Variants in FAT3 observed in about 807,000 individuals in gnomAD.
FAT3 encodes the protein protocadherin Fat 3.
FAT3 carries 95 observed loss-of-function variants against 310.2 expected under a neutral mutation model. The observed-to-expected ratio is 0.31, with a 90% confidence interval of 0.26 to 0.36. The LOEUF is 0.36. FAT3 is among the 10% of genes least tolerant of loss of function. FAT3 has a pLI of 1.00. For missense variants in FAT3, 5,408 were observed against 5,715.6 expected (o/e 0.95, Z 1.74); for synonymous variants, 2,314 against 2,192.9 (o/e 1.06, Z -1.54).
rs760292373 is a variant in FAT3 at position 92,792,849 on chromosome 11, A to G, written c.4694A>G (p.Tyr1565Cys). The change falls in exon 9 of 28, where the codon TAT becomes TGT. Residue 1565 changes from tyrosine to cysteine, a missense_variant. Transcript: ENST00000525166. ...GAGGATGCTAATGATCACAGTCCTT[A>G]TTTTACCAACCCACTGTATGAAGCG... ...NVEDANDHSPYFTNPLYEASV... is the reference protein window; with the variant it reads ...NVEDANDHSPCFTNPLYEASV... 1.2e-6 allele frequency: 2 copies of G among 1,613,688 alleles called. No individual in the cohort carries two copies. The highest frequency in any genetic ancestry group is 1.7e-6 in the Non-Finnish European group (2 of 1,179,804).
chr11:92,563,958 C>A (rs2135479102), intron 3 of FAT3, among the ~76,000 whole-genome samples: 1 of 152,074 alleles, frequency 6.6e-6, no homozygotes, highest in South Asian at 2.1e-4. Context: ...ACCATCGAGA[C>A]TAGGAAGAAA....
chr11:92,863,567 G>A (rs1413214576), intron 21 of FAT3, among the ~76,000 whole-genome samples: 1 of 152,074 alleles, frequency 6.6e-6, no homozygotes, highest in Admixed American at 6.5e-5. Context: ...GTATTTCATT[G>A]AACAAATTAC....
rs114418228 is a variant in FAT3, at chr11:92,287,325, G to A, written c.-18+62151G>A. 8.3e-3 allele frequency among the ~76,000 whole-genome samples: 1,256 copies of A among 152,198 alleles called. 18 individuals are homozygous for A. Among genetic ancestry groups the A allele is most frequent in the African/African-American group, 0.022 (905 of 41,546 alleles). On this transcript the variant is annotated intron_variant, in intron 1 of 27. Transcript: ENST00000525166. ...AATTTAATTCTTTTGGCAGAAGATC[G>A]TTTAAGTGGTGTTTAAAAATCTACA... is the stretch of plus-strand genomic sequence containing the variant.
intron 1 of FAT3, among the ~76,000 whole-genome samples, chr11:92,262,844 T>C (rs1289724049): frequency 2.0e-5 from 3 of 152,092 alleles, no homozygotes; most frequent in Non-Finnish European, 4.4e-5. Context: ...TGGTTGCAAA[T>C]GGCTCTGAAG....
chr11:92,315,477 G>GTATATATATATA (rs1211737478), intron 1 of FAT3, among the ~76,000 whole-genome samples: 2 of 81,648 alleles, frequency 2.4e-5, no homozygotes, highest in African/African-American at 4.9e-5. Context: ...GTGTGTGTGT[G>GTATATATATATA]TGTATATATA....
At chr11:92,417,495 A>C (rs1950441129) in intron 2 of FAT3, among the ~76,000 whole-genome samples, 1 of 152,230 alleles carries the variant, frequency 6.6e-6, no homozygotes, top group Admixed American at 6.5e-5. Flanking sequence ...TTGTAGCCAC[A>C]GAAATATGCT....
At chr11:92,619,646 G>A (rs1940990302) in intron 3 of FAT3, among the ~76,000 whole-genome samples, 1 of 151,304 alleles carries the variant, frequency 6.6e-6, no homozygotes, top group Admixed American at 6.6e-5. Context: ...CCAATTTGTT[G>A]TAATATAGTT....
chr11:92,408,798 A>C (rs926051215), intron 2 of FAT3, among the ~76,000 whole-genome samples: 4 of 152,004 alleles, frequency 2.6e-5, no homozygotes, highest in African/African-American at 9.7e-5. Flanking sequence ...AAGCATATGA[A>C]CTCCTATGGA....
chr11:92,842,466 A>G (rs1948577216), intron 18 of FAT3, among the ~76,000 whole-genome samples: 1 of 152,226 alleles, frequency 6.6e-6, no homozygotes, highest in South Asian at 2.1e-4. Flanking sequence ...CCACAGTTTG[A>G]CTTCAAGTTC....
At chr11:92,744,613 A>T (rs1295904720) in intron 4 of FAT3, among the ~76,000 whole-genome samples, 1 of 152,248 alleles carries the variant, frequency 6.6e-6, no homozygotes, top group Non-Finnish European at 1.5e-5. Context: ...CTTCTGCACA[A>T]CCGTGATGAT....
chr11:92,402,814 G>A (rs1309968217), intron 2 of FAT3, among the ~76,000 whole-genome samples: 4 of 149,812 alleles, frequency 2.7e-5, no homozygotes, highest in Non-Finnish European at 5.9e-5. Flanking sequence ...AGAAGCTCAG[G>A]GAACACCAAG....
chr11:92,633,846 G>A (rs1278401280), intron 3 of FAT3, among the ~76,000 whole-genome samples: 1 of 152,128 alleles, frequency 6.6e-6, no homozygotes, highest in African/African-American at 2.4e-5. Context: ...GGTTCAGTTA[G>A]GTTCATCTTC....
chr11:92,507,186 G>A (rs1027431944), intron 2 of FAT3, among the ~76,000 whole-genome samples: 1 of 152,136 alleles, frequency 6.6e-6, no homozygotes, highest in African/African-American at 2.4e-5. Context: ...ATGAATACAA[G>A]GCGGGATGTG....
chr11:92,660,838 C>A (rs1208207110), intron 3 of FAT3, among the ~76,000 whole-genome samples: 1 of 152,154 alleles, frequency 6.6e-6, no homozygotes, highest in Non-Finnish European at 1.5e-5. Context: ...CACTTAGAAT[C>A]TTCTCTACAA....
chr11:92,347,682 C>T (rs1948453959), intron 1 of FAT3, among the ~76,000 whole-genome samples: 1 of 152,052 alleles, frequency 6.6e-6, no homozygotes, highest in Non-Finnish European at 1.5e-5. Context: ...AAGATCCATC[C>T]TAACAGAGCA....
intron 4 of FAT3, among the ~76,000 whole-genome samples, chr11:92,740,634 T>A (rs1945481984): frequency 6.6e-6 from 1 of 152,240 alleles, no homozygotes; most frequent in Non-Finnish European, 1.5e-5. Context: ...ATTATTGGAT[T>A]TCTGAATCCA....
chr11:92,226,021 G>A (rs1243890307), intron 1 of FAT3, among the ~76,000 whole-genome samples: 1 of 152,206 alleles, frequency 6.6e-6, no homozygotes, highest in East Asian at 1.9e-4. Flanking sequence ...AGAACGCCAG[G>A]GGCACCAGCT....
chr11:92,736,312 G>A (rs1231826405), intron 4 of FAT3, among the ~76,000 whole-genome samples: 4 of 152,078 alleles, frequency 2.6e-5, no homozygotes, highest in Non-Finnish European at 4.4e-5. Flanking sequence ...TGACATTCCT[G>A]ACCCCAGCCT....
intron 13 of FAT3, among the ~76,000 whole-genome samples, chr11:92,828,247 C>G (rs1948149352): frequency 6.6e-6 from 1 of 152,010 alleles, no homozygotes; most frequent in Non-Finnish European, 1.5e-5. Context: ...AGATGGCACC[C>G]CATTGCCCAG....
Sources: gnomAD v4.1 joint callset for allele counts (sites outside exome capture counted in the v4.1 genomes callset) on GRCh38, gnomAD v4.1.1 for gene constraint, MANE v1.5 for transcripts, NCBI Gene and HGNC (gene_info 2026-07-23, HGNC 2026-07-21) for gene names.